NKAIN2: variants seen among roughly 807,000 people sequenced by gnomAD.
The protein encoded by NKAIN2 is sodium/potassium transporting ATPase interacting 2, also known as sodium/potassium-transporting ATPase subunit beta-1-interacting protein 2.
Under a neutral mutation model 32.6 loss-of-function variants are expected in NKAIN2, and 14 were observed. That is an observed-to-expected ratio of 0.43 (90% CI 0.28 to 0.67). NKAIN2 has a LOEUF of 0.67. Ranked by LOEUF, NKAIN2 falls within the 30% of genes least tolerant of loss-of-function variation. NKAIN2 has a pLI of 0.17. For synonymous variants in NKAIN2, 80 were observed against 87.2 expected, an observed-to-expected ratio of 0.92 and a Z score of 0.46; for missense variants, 198 against 258.3, an observed-to-expected ratio of 0.77 and a Z score of 1.60.
chr6:123,808,910 G>T (rs1458867270), intron 1 of NKAIN2, among the ~76,000 whole-genome samples: 1 of 152,096 alleles, frequency 6.6e-6, no homozygotes, highest in Admixed American at 6.5e-5. Context: ...ATATGTGTGT[G>T]CTTGAGAGAA....
intron 3 of NKAIN2, among the ~76,000 whole-genome samples, chr6:124,610,698 G>T (rs1782657509): frequency 1.3e-5 from 2 of 152,026 alleles, no homozygotes; most frequent in Non-Finnish European, 2.9e-5. Context: ...GCCCCATCTG[G>T]ATTCATGTTA....
chr6:124,393,267 C>T (rs1005954180), intron 3 of NKAIN2, among the ~76,000 whole-genome samples: 3 of 151,966 alleles, frequency 2.0e-5, no homozygotes, highest in Non-Finnish European at 2.9e-5. Context: ...TCATTAGCAT[C>T]ATCGTTACAC....
At chr6:123,908,444 T>C (rs1774999766) in intron 1 of NKAIN2, among the ~76,000 whole-genome samples, 1 of 152,184 alleles carries the variant, frequency 6.6e-6, no homozygotes, top group Non-Finnish European at 1.5e-5. Flanking sequence ...CTATTCTATT[T>C]TTAAGCTTTT....
intron 3 of NKAIN2, among the ~76,000 whole-genome samples, chr6:124,589,412 A>G (rs1423604160): frequency 6.6e-6 from 1 of 152,188 alleles, no homozygotes. Context: ...GACCTTCCTA[A>G]TAAAACACTT....
intron 2 of NKAIN2, among the ~76,000 whole-genome samples, chr6:124,303,228 G>C (rs973643069): frequency 6.6e-6 from 1 of 152,128 alleles, no homozygotes. Context: ...ATTTTAAACA[G>C]AAAATCTTCC....
intron 1 of NKAIN2, among the ~76,000 whole-genome samples, chr6:124,248,763 A>G (rs1397804933): frequency 6.6e-6 from 1 of 152,170 alleles, no homozygotes; most frequent in Admixed American, 6.6e-5. Context: ...CTTTGGTTAT[A>G]CAAGGCATGC....
intron 3 of NKAIN2, among the ~76,000 whole-genome samples, chr6:124,605,048 A>G (rs1213846615): frequency 6.6e-6 from 1 of 152,040 alleles, no homozygotes; most frequent in Non-Finnish European, 1.5e-5. Flanking sequence ...TCAAACACAT[A>G]AAGAAACCCT....
chr6:124,745,949 A>AGTGTGAGGTAGGTTTTG, intron 4 of NKAIN2, among the ~76,000 whole-genome samples: 1 of 152,048 alleles, frequency 6.6e-6, no homozygotes, highest in South Asian at 2.1e-4. Context: ...CAGAAAGAGC[A>AGTGTGAGGTAGGTTTTG]ATGGGGGATG....
At chr6:124,647,524 T>G (rs1020173341) in intron 3 of NKAIN2, among the ~76,000 whole-genome samples, 1 of 86,012 alleles carries the variant, frequency 1.2e-5, no homozygotes, top group African/African-American at 3.6e-5. Context: ...AAAAAAAGAC[T>G]TCAAGCAAAT....
At chr6:124,270,037 TGAG>T (rs1794683615) in intron 1 of NKAIN2, among the ~76,000 whole-genome samples, 1 of 152,154 alleles carries the variant, frequency 6.6e-6, no homozygotes, top group South Asian at 2.1e-4. Flanking sequence ...TGCTTTCACT[TGAG>T]GAAGGAAAGA....
intron 1 of NKAIN2, among the ~76,000 whole-genome samples, chr6:123,858,754 C>T (rs1255363534): frequency 6.6e-6 from 1 of 152,060 alleles, no homozygotes; most frequent in Admixed American, 6.5e-5. Context: ...ATTATTGAAG[C>T]GTCAGTTTTG....
At chr6:124,338,463 A>T (rs2115073677) in intron 2 of NKAIN2, among the ~76,000 whole-genome samples, 1 of 152,308 alleles carries the variant, frequency 6.6e-6, no homozygotes, top group East Asian at 1.9e-4. Context: ...CGTCATACTG[A>T]TGATGATTAT....
rs1299770160 is a variant in NKAIN2 at position 124,288,138 on chromosome 6, C to G, written c.192+4996C>G. Among the ~76,000 whole-genome samples the G allele has an allele frequency of 4.6e-5, 7 of 152,114 alleles. 1 individual carries two copies. The highest frequency in any genetic ancestry group is 1.7e-4 in the African/African-American group (7 of 41,426). ...TTTCTTACCAATTCCATCACTGATT[C>G]TCCTGTATATCTACCTTTCTTCATA... On this transcript the variant is annotated intron_variant, in intron 2 of 6. Coordinates refer to ENST00000368417, the MANE Select transcript of NKAIN2 (RefSeq NM_001040214.3).
rs561411897 is a variant in NKAIN2, at chr6:124,716,768, G to A, written c.474+58382G>A. ...CTCTTGCTTTATTTTTCTCCATTGT[G>A]CTTATGTCATCTAACATACTATATA... On this transcript the variant is annotated intron_variant, in intron 4 of 6. Coordinates refer to ENST00000368417, the MANE Select transcript of NKAIN2 (RefSeq NM_001040214.3). Among the ~76,000 whole-genome samples, 4 of 149,880 alleles carry A rather than the reference G, an allele frequency of 2.7e-5. 1 individual carries two copies. Among genetic ancestry groups the A allele is most frequent in the Admixed American group, 2.6e-4 (4 of 15,098 alleles).
chr6:124,045,138 A>G (rs143188268), intron 1 of NKAIN2, among the ~76,000 whole-genome samples: 1 of 151,840 alleles, frequency 6.6e-6, no homozygotes, highest in African/African-American at 2.4e-5. Flanking sequence ...TTATTTCTTT[A>G]TACGTCAAAA....
At chr6:124,146,119 ACT>A (rs773915854) in intron 1 of NKAIN2, among the ~76,000 whole-genome samples, 6 of 152,122 alleles carry the variant, frequency 3.9e-5, no homozygotes, top group South Asian at 2.1e-4. Flanking sequence ...ATTACATGAG[ACT>A]CTCTGTATTA....
intron 4 of NKAIN2, among the ~76,000 whole-genome samples, chr6:124,789,648 A>T (rs1375932230): frequency 2.6e-5 from 4 of 151,964 alleles, no homozygotes; most frequent in Admixed American, 6.6e-5. Flanking sequence ...ACAAATCAAA[A>T]TCTTTGCTAA....
At chr6:124,755,031 C>T (rs116775291) in intron 4 of NKAIN2, among the ~76,000 whole-genome samples, 3,617 of 152,078 alleles carry the variant, frequency 0.024, 94 homozygotes, top group Admixed American at 0.07. Flanking sequence ...GATCACAAGG[C>T]GAAATCCCAT....
intron 3 of NKAIN2, among the ~76,000 whole-genome samples, chr6:124,544,304 C>T (rs7770974): frequency 0.13 from 20,340 of 151,236 alleles, 1,563 homozygotes; most frequent in African/African-American, 0.2. Flanking sequence ...CTTCTTTTCC[C>T]TCCACCCCCA....
Sources: gnomAD v4.1 joint callset for allele counts (sites outside exome capture counted in the v4.1 genomes callset) on GRCh38, gnomAD v4.1.1 for gene constraint, MANE v1.5 for transcripts, NCBI Gene and HGNC (gene_info 2026-07-23, HGNC 2026-07-21) for gene names.